ADARB2: variants seen among roughly 807,000 people sequenced by gnomAD.
ADARB2 encodes the protein adenosine deaminase RNA specific B2 (inactive), also known as inactive double-stranded RNA-specific editase B2.
Under a neutral mutation model 62.2 loss-of-function variants are expected in ADARB2, and 25 were observed. The ratio of observed to expected loss-of-function variants is 0.40; its 90% CI spans 0.29 to 0.56. The LOEUF (loss-of-function observed/expected upper bound fraction) is 0.56, where lower values mean the gene tolerates loss of function less well. Among genes scored for constraint, ADARB2 ranks in the 20% least tolerant of loss-of-function variants. The probability of loss-of-function intolerance (pLI) is 0.43; values close to 1 mark genes in which losing one functional copy is unlikely to be tolerated. For missense variants in ADARB2, 1,071 were observed against 1,077.4 expected, an observed-to-expected ratio of 0.99 and a Z score of 0.08; for synonymous variants, 572 against 500.8, an observed-to-expected ratio of 1.14 and a Z score of -1.90.
intron 1 of ADARB2, among the ~76,000 whole-genome samples, chr10:1,581,857 T>C (rs1403366412): frequency 6.7e-6 from 1 of 150,156 alleles, no homozygotes; most frequent in African/African-American, 2.5e-5. Context: ...TGTGTGTGTG[T>C]GTGTGTGTGT....
At chr10:1,493,093 C>G (rs1256271256) in intron 1 of ADARB2, among the ~76,000 whole-genome samples, 1 of 152,184 alleles carries the variant, frequency 6.6e-6, no homozygotes, top group Non-Finnish European at 1.5e-5. Flanking sequence ...AATGCTTCAT[C>G]AGAACTTTTA....
intron 8 of ADARB2, among the ~76,000 whole-genome samples, chr10:1,193,726 T>A (rs768611260): frequency 3.9e-5 from 6 of 152,224 alleles, no homozygotes; most frequent in Non-Finnish European, 8.8e-5. Flanking sequence ...TGATATCAGA[T>A]CGTAAGTTGA....
At chr10:1,618,053 C>A (rs1436256568) in intron 1 of ADARB2, among the ~76,000 whole-genome samples, 2 of 152,196 alleles carry the variant, frequency 1.3e-5, no homozygotes, top group African/African-American at 4.8e-5. Flanking sequence ...ATTCTCTGCA[C>A]CTTTAAGACG....
At chr10:1,706,777 A>G (rs1365231232) in intron 1 of ADARB2, among the ~76,000 whole-genome samples, 1 of 152,178 alleles carries the variant, frequency 6.6e-6, no homozygotes. Flanking sequence ...TTGACGTGCT[A>G]ATCAGAAAGA....
At chr10:1,329,600 T>C (rs944506423) in intron 3 of ADARB2, among the ~76,000 whole-genome samples, 4 of 152,236 alleles carry the variant, frequency 2.6e-5, no homozygotes, top group Admixed American at 6.5e-5. Context: ...CCCCTGCACT[T>C]GGCTGCTCCA....
intron 1 of ADARB2, among the ~76,000 whole-genome samples, chr10:1,408,829 A>G (rs1832729547): frequency 6.6e-6 from 1 of 152,190 alleles, no homozygotes; most frequent in African/African-American, 2.4e-5. Context: ...CTGCACCAGC[A>G]CACAGGGAGT....
At chr10:1,299,839 G>A (rs1430006744) in intron 3 of ADARB2, among the ~76,000 whole-genome samples, 1 of 152,192 alleles carries the variant, frequency 6.6e-6, no homozygotes, top group Non-Finnish European at 1.5e-5. Context: ...TGCTTCCGGA[G>A]GCCATGCGGA....
chr10:1,262,642 A>G (rs1373750047), intron 4 of ADARB2, among the ~76,000 whole-genome samples: 2 of 152,138 alleles, frequency 1.3e-5, no homozygotes, highest in Non-Finnish European at 2.9e-5. Flanking sequence ...CAGGTGCTGG[A>G]GAGGATGTGG....
chr10:1,314,442 C>G (rs1345185052), intron 3 of ADARB2, among the ~76,000 whole-genome samples: 1 of 133,128 alleles, frequency 7.5e-6, no homozygotes, highest in South Asian at 2.3e-4. Context: ...GCAGCCAGTC[C>G]TTCCTCCTCC....
chr10:1,559,561 TGAC>T, intron 1 of ADARB2, among the ~76,000 whole-genome samples: 1 of 152,080 alleles, frequency 6.6e-6, no homozygotes, highest in Non-Finnish European at 1.5e-5. Context: ...GGATGGGTGC[TGAC>T]AAGCAGATCC....
intron 1 of ADARB2, among the ~76,000 whole-genome samples, chr10:1,686,100 G>A (rs1834593580): frequency 6.6e-6 from 1 of 152,194 alleles, no homozygotes; most frequent in Admixed American, 6.5e-5. Context: ...GGTATTTGAG[G>A]GCTATTAGGC....
intron 4 of ADARB2, among the ~76,000 whole-genome samples, chr10:1,256,567 C>T (rs1831081112): frequency 6.6e-6 from 1 of 152,136 alleles, no homozygotes; most frequent in Non-Finnish European, 1.5e-5. Context: ...TGCATAAAAC[C>T]TCAAAATACA....
Position 1,363,059 on chromosome 10 carries a change from G to A in ADARB2, c.1046C>T (p.Pro349Leu), listed in dbSNP as rs1369088145. The A allele has an allele frequency of 4.2e-6, 6 of 1,443,716 alleles. No homozygotes were observed. Among genetic ancestry groups the A allele is most frequent in the Non-Finnish European group, 5.5e-6 (6 of 1,100,118 alleles). 89.4% of individuals were successfully genotyped at this position (1,443,716 alleles called of 1,614,324 possible). A position where few individuals can be genotyped will look rare whatever the true frequency, so the allele number is the denominator to read the frequency against. The stretch of plus-strand genomic sequence containing the variant: ...CATTGGCGTCCTCCTGGCCCTGCCG[G>A]GCGCGTGGCCGGGCATCTGGATGTC... ...LFDIQMPGHA[P>L]GRARRTPMPQ... The change falls in exon 3 of 10, where the codon CCC becomes CTC. Residue 349 changes from proline (P) to leucine (L), a missense_variant. Coordinates refer to ENST00000381312, the MANE Select transcript of ADARB2 (RefSeq NM_018702.4).
intron 3 of ADARB2, among the ~76,000 whole-genome samples, chr10:1,276,264 T>G (rs1479968626): frequency 6.6e-6 from 1 of 152,230 alleles, no homozygotes; most frequent in Admixed American, 6.5e-5. Flanking sequence ...CCAGTGATGA[T>G]GAGCATTTTT....
At chr10:1,199,908 C>T (rs1342168951) in intron 8 of ADARB2, 58 bp downstream of exon 8, 2 of 1,445,690 alleles carry the variant, frequency 1.4e-6, no homozygotes, top group African/African-American at 2.8e-5. Flanking sequence ...CCGGGCACAC[C>T]TGTGTCTGGC....
intron 1 of ADARB2, among the ~76,000 whole-genome samples, chr10:1,559,907 C>T (rs900998221): frequency 7.2e-5 from 11 of 152,222 alleles, no homozygotes; most frequent in Non-Finnish European, 1.2e-4. Context: ...AGCGTGTCCT[C>T]ACCCTCGGGG....
At chr10:1,512,918 A>G (rs187310015) in intron 1 of ADARB2, among the ~76,000 whole-genome samples, 1 of 152,334 alleles carries the variant, frequency 6.6e-6, no homozygotes, top group Admixed American at 6.5e-5. Flanking sequence ...GGTAAAGACA[A>G]TGGGCTCTGC....
chr10:1,347,715 C>T (rs760175316), intron 3 of ADARB2, among the ~76,000 whole-genome samples: 2 of 152,194 alleles, frequency 1.3e-5, no homozygotes, highest in Non-Finnish European at 2.9e-5. Flanking sequence ...CCATCAACGC[C>T]TCCCGACAGC....
chr10:1,204,331 C>T (rs532362491), intron 7 of ADARB2, among the ~76,000 whole-genome samples: 2 of 152,182 alleles, frequency 1.3e-5, no homozygotes, highest in East Asian at 1.9e-4. Flanking sequence ...CTCAATGGAA[C>T]GCCTGATATA....
Sources: gnomAD v4.1 joint callset for allele counts (sites outside exome capture counted in the v4.1 genomes callset) on GRCh38, gnomAD v4.1.1 for gene constraint, MANE v1.5 for transcripts, NCBI Gene and HGNC (gene_info 2026-07-23, HGNC 2026-07-21) for gene names.